Variants in FAM117A observed in about 807,000 individuals in gnomAD.
FAM117A encodes the protein family with sequence similarity 117 member A.
Under a neutral mutation model 44.1 loss-of-function variants are expected in FAM117A, and 21 were observed. The observed-to-expected ratio is 0.48, with a 90% CI of 0.34 to 0.69. FAM117A has a LOEUF of 0.69. FAM117A is among the 30% of genes least tolerant of loss of function. The probability of loss-of-function intolerance (pLI) is 0.01; values close to 1 mark genes in which losing one functional copy is unlikely to be tolerated. For synonymous variants in FAM117A, 220 were observed against 238.3 expected (o/e 0.92, Z 0.71); for missense variants, 498 against 589.9 (o/e 0.84, Z 1.61).
chr17:49,764,059 C>T lies in FAM117A; in HGVS notation c.29G>A (p.Gly10Asp). The T allele has an allele frequency of 1.6e-6, 2 of 1,251,858 alleles. No homozygotes were observed. 77.5% of individuals were successfully genotyped at this position (1,251,858 alleles called of 1,614,324 possible). Residue 10 changes from glycine (G) to aspartate (D), a missense_variant, in exon 1 of 8, where the codon GGC (glycine) becomes GAC (aspartate). Gly to Asp is a moderately conservative substitution (Grantham distance 94, BLOSUM62 -1). This residue lies in a region of FAM117A where 270 missense variants were observed against 277.4 expected (regional missense o/e 0.97). Coordinates refer to ENST00000240364, the MANE Select transcript of FAM117A (RefSeq NM_030802.4). ...GCGCCCCGGCCCCCAGGCACCTCCG[C>T]CTCTGCCGCCCGCTGCGGCCCCCGC... MAGAAAGGR[G>D]GGAWGPGRGG...
intron 2 of FAM117A, among the ~76,000 whole-genome samples, chr17:49,722,897 C>T (rs1189821840): frequency 1.3e-5 from 2 of 152,100 alleles, no homozygotes; most frequent in African/African-American, 2.4e-5. Context: ...GTGGTGAGGA[C>T]AAGTATTGCC....
At chr17:49,766,242 TA>T (rs2073745649), upstream of FAM117A, among the ~76,000 whole-genome samples, 1 of 152,330 alleles carries the variant, frequency 6.6e-6, no homozygotes, top group Admixed American at 6.5e-5. Context: ...AAAATTTTCT[TA>T]AGAACACAGG....
Position 49,720,327 on chromosome 17 carries a change from C to A in FAM117A, c.572G>T (p.Arg191Met), listed in dbSNP as rs1197267672. ...AGAGGGCTGGGGGAGAAAACATACC[C>A]TCAGTGCTCCCCGCACTGCGTGGTC... Reference protein sequence around the residue: ...LGDHAVRGALRASPPSFPSGS... With the variant: ...LGDHAVRGALMASPPSFPSGS... The change falls in exon 4 of 8, where the codon AGG (arginine) becomes ATG (methionine). Residue 191 changes from arginine to methionine, a missense_variant and splice_region_variant. By Grantham distance (91) the Arg-to-Met change is moderately conservative. This residue lies in a region of FAM117A where 270 missense variants were observed against 277.4 expected (regional missense o/e 0.97). Transcript: ENST00000240364. The A allele has an allele frequency of 6.2e-7, 1 of 1,612,096 alleles. No homozygotes were observed.
rs141935751 is a variant in FAM117A at position 49,740,350 on chromosome 17, C to T, written c.197-7630G>A. ...TTGCAAGCTCCGCCTCCCGGGTTCA[C>T]GCCATTCTCCTGCCTCAGCCTCCCG... On this transcript the variant is annotated intron_variant, in intron 1 of 7. Transcript: ENST00000240364. Among the ~76,000 whole-genome samples the T allele has an allele frequency of 3.7e-3, 560 of 151,988 alleles. 4 individuals are homozygous for T. The highest frequency in any genetic ancestry group is 0.012 in the African/African-American group (489 of 41,422).
chr17:49,773,344 G>T (rs1428742225), intron 1 of FAM117A: 1 of 148,852 alleles, frequency 6.7e-6, no homozygotes, highest in Non-Finnish European at 1.5e-5. Flanking sequence ...GCACACACCT[G>T]TAATCCCAGC....
At chr17:49,776,531 C>A (rs2073776018) in intron 1 of FAM117A, among the ~76,000 whole-genome samples, 1 of 152,170 alleles carries the variant, frequency 6.6e-6, no homozygotes, top group African/African-American at 2.4e-5. Context: ...TTTCTAGCTG[C>A]TCCTGGTATA....
At chr17:49,738,292 G>A (rs1259318403) in intron 1 of FAM117A, among the ~76,000 whole-genome samples, 6 of 152,152 alleles carry the variant, frequency 3.9e-5, no homozygotes, top group Non-Finnish European at 7.3e-5. Flanking sequence ...ACGCATTTTG[G>A]TAAACTCTAC....
intron 1 of FAM117A, among the ~76,000 whole-genome samples, chr17:49,759,995 G>A (rs146012652): frequency 1.2e-4 from 18 of 152,202 alleles, no homozygotes; most frequent in Non-Finnish European, 2.4e-4. Flanking sequence ...TGTGTTCACC[G>A]CAGTTTTGGG....
At chr17:49,772,461 C>G (rs2032869739) in intron 1 of FAM117A, among the ~76,000 whole-genome samples, 1 of 151,648 alleles carries the variant, frequency 6.6e-6, no homozygotes, top group Non-Finnish European at 1.5e-5. Flanking sequence ...CAAAAATTAG[C>G]CAGGTGTTGG....
At chr17:49,733,250 C>T (rs780393841) in intron 1 of FAM117A, among the ~76,000 whole-genome samples, 3 of 152,194 alleles carry the variant, frequency 2.0e-5, no homozygotes, top group Non-Finnish European at 4.4e-5. Context: ...CAGGGAACCC[C>T]GGTGGCTGAC....
intron 1 of FAM117A, among the ~76,000 whole-genome samples, chr17:49,772,674 C>T (rs948604859): frequency 6.6e-6 from 1 of 151,718 alleles, no homozygotes; most frequent in Admixed American, 6.6e-5. Flanking sequence ...ATCGCCTGAA[C>T]CTGGGAGGGA....
At chr17:49,727,690 A>G (rs1455611779) in intron 2 of FAM117A, among the ~76,000 whole-genome samples, 3 of 152,072 alleles carry the variant, frequency 2.0e-5, no homozygotes, top group Admixed American at 2.0e-4. Flanking sequence ...TATAATGAGG[A>G]GGAGGGGCGG....
At chr17:49,784,046 C>T (rs1336694472) in intron 1 of FAM117A, among the ~76,000 whole-genome samples, 1 of 152,226 alleles carries the variant, frequency 6.6e-6, no homozygotes, top group East Asian at 1.9e-4. Flanking sequence ...AAGGGAGAAG[C>T]TGGAGATGCT....
rs758546822 is a variant in FAM117A, at chr17:49,715,581, C to T, written c.1061+584G>A. On this transcript the variant is annotated intron_variant, in intron 7 of 7. Coordinates refer to ENST00000240364, the MANE Select transcript of FAM117A (RefSeq NM_030802.4). Reference sequence around the variant, plus strand: ...AATCAACAGAAGAATGGCTTCTGAACGATCCAATCTGGTTTGGAAATTTTC... The same window carrying T: ...AATCAACAGAAGAATGGCTTCTGAATGATCCAATCTGGTTTGGAAATTTTC... 4.6e-5 allele frequency among the ~76,000 whole-genome samples: 7 copies of T among 152,166 alleles called. 1 individual carries two copies. The highest frequency in any genetic ancestry group is 5.9e-5 in the Non-Finnish European group (4 of 68,024).
At chr17:49,725,437 A>G (rs1361602369) in intron 2 of FAM117A, among the ~76,000 whole-genome samples, 1 of 152,230 alleles carries the variant, frequency 6.6e-6, no homozygotes, top group Non-Finnish European at 1.5e-5. Flanking sequence ...TTAAACAGTG[A>G]TAAGTGCCAA....
chr17:49,740,201 A>G (rs2073627384), intron 1 of FAM117A, among the ~76,000 whole-genome samples: 1 of 152,126 alleles, frequency 6.6e-6, no homozygotes, highest in African/African-American at 2.4e-5. Flanking sequence ...ACCAAGAGCA[A>G]AAGATGGGCC....
At chr17:49,774,605 G>A (rs1034220147) in intron 1 of FAM117A, among the ~76,000 whole-genome samples, 1 of 152,094 alleles carries the variant, frequency 6.6e-6, no homozygotes, top group Non-Finnish European at 1.5e-5. Flanking sequence ...TGATCTGCCC[G>A]CCTCAGCCTC....
intron 2 of FAM117A, among the ~76,000 whole-genome samples, chr17:49,725,016 C>G (rs2073553517): frequency 1.3e-5 from 2 of 152,108 alleles, no homozygotes; most frequent in South Asian, 4.2e-4. Context: ...TTCTTTGTGT[C>G]AACACCCAAC....
intron 7 of FAM117A, 47 bp from the exon 8 acceptor site, chr17:49,711,602 A>C (rs2073478856): frequency 6.4e-7 from 1 of 1,564,740 alleles, no homozygotes; most frequent in African/African-American, 1.4e-5. Flanking sequence ...ACACACAGAG[A>C]GAAACAGACA....
Sources: allele counts gnomAD v4.1 joint callset (sites outside exome capture counted in the v4.1 genomes callset), GRCh38; gene constraint gnomAD v4.1.1; regional missense constraint gnomAD v4.1.1; transcripts MANE v1.5; gene names NCBI Gene and HGNC (gene_info 2026-07-23, HGNC 2026-07-21).